The following ULK4 variants were observed in gnomAD, a reference collection of about 807,000 sequenced individuals.
ULK4 encodes inactive serine/threonine-protein kinase ULK4.
ULK4 carries 133 observed loss-of-function variants against 160.6 expected under a neutral mutation model. The ratio of observed to expected loss-of-function variants is 0.83; its 90% CI spans 0.72 to 0.96. The LOEUF (loss-of-function observed/expected upper bound fraction) is 0.96. ULK4 is among the 40% of genes least tolerant of loss of function. ULK4 has a pLI of 0.00. For synonymous variants in ULK4, 534 were observed against 539.8 expected (o/e 0.99, Z 0.15); for missense variants, 1,580 against 1,499.5 (o/e 1.05, Z -0.89).
intron 17 of ULK4, among the ~76,000 whole-genome samples, chr3:41,845,268 C>A (rs944831119): frequency 5.3e-5 from 8 of 152,130 alleles, no homozygotes; most frequent in Non-Finnish European, 1.0e-4. Flanking sequence ...CCGGCCGACC[C>A]AGATATCTTT....
chr3:41,865,707 T>C (rs199559416), intron 17 of ULK4, among the ~76,000 whole-genome samples: 11 of 152,198 alleles, frequency 7.2e-5, no homozygotes, highest in African/African-American at 1.9e-4. Context: ...CATTAAATAT[T>C]TGTTGACTGG....
At chr3:41,794,685 A>AAAAC in intron 20 of ULK4, among the ~76,000 whole-genome samples, 1 of 129,088 alleles carries the variant, frequency 7.7e-6, no homozygotes, top group African/African-American at 3.2e-5. Flanking sequence ...AAAAAAAAAA[A>AAAAC]ACACAGAAAA....
chr3:41,723,448 T>G (rs1322807587), intron 22 of ULK4, among the ~76,000 whole-genome samples: 2 of 152,160 alleles, frequency 1.3e-5, no homozygotes, highest in African/African-American at 4.8e-5. Flanking sequence ...CTCAATCCAC[T>G]AGAAATTGAC....
intron 34 of ULK4, among the ~76,000 whole-genome samples, chr3:41,444,174 G>A (rs2083238933): frequency 1.3e-5 from 2 of 152,180 alleles, no homozygotes; most frequent in African/African-American, 2.4e-5. Context: ...TTCCAACTTT[G>A]AAGATTGGAA....
At chr3:41,428,437 C>G (rs2125843767) in intron 34 of ULK4, among the ~76,000 whole-genome samples, 1 of 151,990 alleles carries the variant, frequency 6.6e-6, no homozygotes, top group East Asian at 1.9e-4. Flanking sequence ...TCATATGAAA[C>G]CAAAAAAAGA....
chr3:41,941,755 CAAAAA>C (rs565727539), intron 2 of ULK4, among the ~76,000 whole-genome samples: 2,372 of 30,656 alleles, frequency 0.077, 62 homozygotes, highest in African/African-American at 0.18. Flanking sequence ...GACTCTGTCT[CAAAAA>C]AAAAAAAAAA....
intron 5 of ULK4, among the ~76,000 whole-genome samples, chr3:41,922,735 CTA>C (rs1315377974): frequency 1.3e-5 from 2 of 151,756 alleles, no homozygotes; most frequent in African/African-American, 4.8e-5. Context: ...CAGGAAGCGT[CTA>C]TGAGAAAAAA....
At chr3:41,860,928 G>A (rs1024417534) in intron 17 of ULK4, among the ~76,000 whole-genome samples, 1 of 151,904 alleles carries the variant, frequency 6.6e-6, no homozygotes, top group Non-Finnish European at 1.5e-5. Context: ...TTGGCTTGAG[G>A]TTACCATGAG....
intron 35 of ULK4, among the ~76,000 whole-genome samples, chr3:41,292,876 A>G (rs908342538): frequency 2.0e-5 from 3 of 152,254 alleles, no homozygotes; most frequent in African/African-American, 7.2e-5. Flanking sequence ...CCTGGGTGGC[A>G]GAGGTTGCAG....
intron 5 of ULK4, among the ~76,000 whole-genome samples, chr3:41,931,196 C>G (rs1699583475): frequency 6.6e-6 from 1 of 152,116 alleles, no homozygotes; most frequent in African/African-American, 2.4e-5. Flanking sequence ...ATGGATGAAG[C>G]TGGACGCCAT....
intron 18 of ULK4, among the ~76,000 whole-genome samples, chr3:41,830,187 C>T (rs1041829882): frequency 7.9e-5 from 12 of 151,970 alleles, no homozygotes; most frequent in African/African-American, 2.2e-4. Context: ...AGCAGATATA[C>T]CTAATGTTAA....
chr3:41,772,557 C>A (rs1460153179), intron 21 of ULK4, among the ~76,000 whole-genome samples: 2 of 152,184 alleles, frequency 1.3e-5, no homozygotes, highest in Non-Finnish European at 2.9e-5. Flanking sequence ...ATAACAGGAT[C>A]TGAAATTGCG....
At chr3:41,885,034 T>C (rs1697671289) in intron 16 of ULK4, among the ~76,000 whole-genome samples, 2 of 152,210 alleles carry the variant, frequency 1.3e-5, no homozygotes, top group South Asian at 4.1e-4. Context: ...TTTTTTTTAC[T>C]TTTTGTAGAG....
At chr3:41,567,070 C>G (rs1261951765) in intron 31 of ULK4, among the ~76,000 whole-genome samples, 1 of 152,086 alleles carries the variant, frequency 6.6e-6, no homozygotes, top group Non-Finnish European at 1.5e-5. Flanking sequence ...AGTCCAACCC[C>G]GAAAAGCAAC....
At chr3:41,395,426 C>A (rs2082037805) in intron 35 of ULK4, among the ~76,000 whole-genome samples, 1 of 152,100 alleles carries the variant, frequency 6.6e-6, no homozygotes, top group African/African-American at 2.4e-5. Context: ...TATACACACA[C>A]AATGGATTAT....
At chr3:41,882,412 C>T in intron 17 of ULK4, 1 of 637,966 alleles carries the variant, frequency 1.6e-6, no homozygotes, top group South Asian at 1.8e-5. Flanking sequence ...TTGATCATCT[C>T]AATTCAGACT....
chr3:41,400,876 T>G (rs1188171946), intron 34 of ULK4, among the ~76,000 whole-genome samples: 1 of 152,234 alleles, frequency 6.6e-6, no homozygotes, highest in African/African-American at 2.4e-5. Flanking sequence ...TTAGCCACTC[T>G]GCTAGATAGA....
At chr3:41,771,369 CAG>C (rs1288389776) in intron 21 of ULK4, among the ~76,000 whole-genome samples, 1 of 152,106 alleles carries the variant, frequency 6.6e-6, no homozygotes, top group East Asian at 1.9e-4. Flanking sequence ...TACATTGTCA[CAG>C]TGTTTTTGTA....
intron 35 of ULK4, among the ~76,000 whole-genome samples, chr3:41,322,908 A>G (rs1267618351): frequency 6.6e-6 from 1 of 152,112 alleles, no homozygotes; most frequent in Non-Finnish European, 1.5e-5. Flanking sequence ...GCAAGGCTCC[A>G]CAAGTATATA....
Sources: gnomAD v4.1 joint callset for allele counts (sites outside exome capture counted in the v4.1 genomes callset) on GRCh38, gnomAD v4.1.1 for gene constraint, MANE v1.5 for transcripts, NCBI Gene and HGNC (gene_info 2026-07-23, HGNC 2026-07-21) for gene names.